TRPS1: variants seen among roughly 807,000 people sequenced by gnomAD.
TRPS1 encodes zinc finger transcription factor Trps1.
A neutral mutation model predicts 101.2 loss-of-function variants in TRPS1; 6 were observed. That is an observed-to-expected ratio of 0.06 (90% CI 0.03 to 0.12). TRPS1 has a LOEUF of 0.12. TRPS1 is among the 10% of genes least tolerant of loss of function. The pLI is 1.00. For missense variants in TRPS1, 1,363 were observed against 1,567.0 expected, an observed-to-expected ratio of 0.87 and a Z score of 2.20; for synonymous variants, 578 against 589.8, an observed-to-expected ratio of 0.98 and a Z score of 0.29.
intron 5 of TRPS1, among the ~76,000 whole-genome samples, chr8:115,568,342 A>C (rs1029040298): frequency 1.3e-5 from 2 of 152,014 alleles, no homozygotes; most frequent in African/African-American, 4.8e-5. Context: ...ATGACTCTAA[A>C]CTCTCACAAT....
At chr8:115,526,504 C>A (rs1816003445) in intron 5 of TRPS1, among the ~76,000 whole-genome samples, 1 of 151,962 alleles carries the variant, frequency 6.6e-6, no homozygotes, top group Non-Finnish European at 1.5e-5. Context: ...CTTCTATTTT[C>A]CAACAATATA....
At chr8:115,574,703 T>C (rs1204539277) in intron 5 of TRPS1, among the ~76,000 whole-genome samples, 7 of 151,392 alleles carry the variant, frequency 4.6e-5, no homozygotes, top group Non-Finnish European at 1.0e-4. Flanking sequence ...ATTAAGAAAT[T>C]TGACATATTA....
At position 115,535,842 on chromosome 8, in the gene TRPS1, T is replaced by C. The variant is rs1002625644; in HGVS notation, c.2700+51159A>G. ...ACCTACTTTGGATACCAGTTAAAGT[T>C]AGTGCTTCATCTCTCATTGTTATTA... On this transcript the variant is annotated intron_variant, in intron 5 of 6. Coordinates refer to ENST00000395715, the MANE Select transcript of TRPS1 (RefSeq NM_014112.5). Among the ~76,000 whole-genome samples, 12 of 152,034 alleles carry C rather than the reference T, an allele frequency of 7.9e-5. No homozygotes were observed. The East Asian group carries it at 2.1e-3, about 27-fold the overall frequency.
rs112137767 is a variant in TRPS1, at chr8:115,517,211, A to T, written c.2700+69790T>A. The stretch of plus-strand genomic sequence containing the variant: ...TGGAATTGCCAATCTGTACTCATTG[A>T]ATTCTTATTATCATTTAGATAGATA... On this transcript the variant is annotated intron_variant, in intron 5 of 6. Coordinates refer to ENST00000395715, the MANE Select transcript of TRPS1 (RefSeq NM_014112.5). Among the ~76,000 whole-genome samples the T allele has an allele frequency of 2.3e-3, 343 of 151,794 alleles. 3 individuals carry two copies. The highest frequency in any genetic ancestry group is 3.3e-3 in the Non-Finnish European group (226 of 67,750).
Position 115,668,149 on chromosome 8 carries a change from G to A in TRPS1, c.-122+396C>T, listed in dbSNP as rs116584925. Reference sequence around the variant, plus strand: ...GAACTTGACCCTGCTGACTCCAGGGGCTACTGCAGTTTGAAGTCGCTGGTT... The same window carrying A: ...GAACTTGACCCTGCTGACTCCAGGGACTACTGCAGTTTGAAGTCGCTGGTT... On this transcript the variant is annotated intron_variant, in intron 1 of 6. Coordinates refer to ENST00000395715, the MANE Select transcript of TRPS1 (RefSeq NM_014112.5). 9.3e-3 allele frequency: 5,271 copies of A among 567,730 alleles called. 211 individuals carry two copies. The highest frequency in any genetic ancestry group is 0.089 in the African/African-American group (4,729 of 53,098). 35.2% of individuals were successfully genotyped at this position (567,730 alleles called of 1,614,324 possible). A position where few individuals can be genotyped will look rare whatever the true frequency, so the allele number is the denominator to read the frequency against.
chr8:115,554,117 T>A (rs1816764126), intron 5 of TRPS1, among the ~76,000 whole-genome samples: 1 of 152,158 alleles, frequency 6.6e-6, no homozygotes, highest in African/African-American at 2.4e-5. Flanking sequence ...TCTACAAAAG[T>A]GTTTATTGCT....
At chr8:115,668,511 G>A (rs1586513014) in intron 1 of TRPS1, 34 bp downstream of exon 1, 1 of 125,638 alleles carries the variant, frequency 8.0e-6, no homozygotes, top group African/African-American at 2.8e-5. Flanking sequence ...CGCAGCCCCC[G>A]GCCCCGCGGC....
At chr8:115,580,490 C>T (rs903717846) in intron 5 of TRPS1, among the ~76,000 whole-genome samples, 3 of 152,042 alleles carry the variant, frequency 2.0e-5, no homozygotes, top group Non-Finnish European at 4.4e-5. Context: ...CTTCTGTATA[C>T]TCTTCACTTC....
intron 5 of TRPS1, among the ~76,000 whole-genome samples, chr8:115,469,739 G>T (rs895528427): frequency 8.5e-5 from 13 of 152,056 alleles, no homozygotes; most frequent in African/African-American, 3.1e-4. Context: ...ATGTTGGCCA[G>T]GCTGGTCTTG....
chr8:115,626,409 G>A (rs1306993450), intron 1 of TRPS1, among the ~76,000 whole-genome samples: 1 of 151,710 alleles, frequency 6.6e-6, no homozygotes, highest in Non-Finnish European at 1.5e-5. Context: ...AAGAATCACT[G>A]AAGGAGTTTA....
At chr8:115,476,340 G>C (rs1455222992) in intron 5 of TRPS1, among the ~76,000 whole-genome samples, 1 of 152,122 alleles carries the variant, frequency 6.6e-6, no homozygotes, top group Non-Finnish European at 1.5e-5. Flanking sequence ...CTTTCTATTT[G>C]TTTAAGTGCA....
At chr8:115,656,342 C>T in intron 1 of TRPS1, among the ~76,000 whole-genome samples, 1 of 152,192 alleles carries the variant, frequency 6.6e-6, no homozygotes, top group East Asian at 1.9e-4. Flanking sequence ...TCTAAAATGT[C>T]TTTACATTAA....
intron 5 of TRPS1, among the ~76,000 whole-genome samples, chr8:115,493,539 G>A (rs967720102): frequency 6.6e-6 from 1 of 151,950 alleles, no homozygotes; most frequent in Non-Finnish European, 1.5e-5. Flanking sequence ...AGTAGAGATG[G>A]TGTTTCTCCA....
chr8:115,424,093 G>A (rs1338160804), intron 5 of TRPS1, among the ~76,000 whole-genome samples: 1 of 152,120 alleles, frequency 6.6e-6, no homozygotes, highest in Non-Finnish European at 1.5e-5. Flanking sequence ...AATTTTCTAT[G>A]AATAAGAACC....
At chr8:115,521,928 C>T (rs563999780) in intron 5 of TRPS1, among the ~76,000 whole-genome samples, 1 of 151,818 alleles carries the variant, frequency 6.6e-6, no homozygotes, top group South Asian at 2.1e-4. Flanking sequence ...GTTTAATGTC[C>T]TCATGAAGAG....
intron 6 of TRPS1, among the ~76,000 whole-genome samples, chr8:115,417,872 G>A (rs1812960404): frequency 6.6e-6 from 1 of 152,048 alleles, no homozygotes; most frequent in South Asian, 2.1e-4. Context: ...CCCCTAAAGC[G>A]GTCAAGATAA....
At position 115,604,535 on chromosome 8, in the gene TRPS1, G is replaced by T; in HGVS notation, c.1434C>A (p.Gly478=). The change falls in exon 4 of 7, where the codon GGC becomes GGA. Residue 478 remains glycine, a synonymous_variant. Coordinates refer to ENST00000395715, the MANE Select transcript of TRPS1 (RefSeq NM_014112.5). This position sits in a 1 kb window ranked among gnomAD's most constrained non-coding sequence, Gnocchi z 4.1. ...TATCATTTAACTCTGGATTAAGGCC[G>T]CCTGACTGCACTGCTCCGTGCTGCT... ...YGKQHGAVQS[G]GLNPELNDKL... 2.5e-6 allele frequency: 4 copies of T among 1,614,024 alleles called. No homozygotes were observed. The highest frequency in any genetic ancestry group is 3.4e-6 in the Non-Finnish European group (4 of 1,179,986).
At chr8:115,475,935 C>A (rs537286672) in intron 5 of TRPS1, among the ~76,000 whole-genome samples, 6 of 151,166 alleles carry the variant, frequency 4.0e-5, no homozygotes, top group Admixed American at 2.6e-4. Context: ...AAGAAAACAG[C>A]AAACTAAATT....
At chr8:115,656,001 C>T (rs1051194539) in intron 1 of TRPS1, among the ~76,000 whole-genome samples, 12 of 152,198 alleles carry the variant, frequency 7.9e-5, no homozygotes, top group Admixed American at 7.9e-4. Context: ...CCGGTGGAGA[C>T]ACCAAAATAT....
Sources: gnomAD v4.1 joint callset for allele counts (sites outside exome capture counted in the v4.1 genomes callset) on GRCh38, gnomAD v4.1.1 for gene constraint, Gnocchi (gnomAD v3.1) non-coding constraint, MANE v1.5 for transcripts, NCBI Gene and HGNC (gene_info 2026-07-23, HGNC 2026-07-21) for gene names.